Variants in IKZF3 observed in about 807,000 individuals in gnomAD.
IKZF3 encodes IKAROS family zinc finger 3.
A neutral mutation model predicts 49.0 loss-of-function variants in IKZF3; 10 were observed. The observed-to-expected ratio is 0.20, with a 90% CI of 0.13 to 0.35. The LOEUF (loss-of-function observed/expected upper bound fraction) is 0.35, where lower values mean the gene tolerates loss of function less well. IKZF3 is among the 10% of genes least tolerant of loss of function. The pLI is 1.00. For missense variants in IKZF3, 498 were observed against 664.8 expected, an observed-to-expected ratio of 0.75 and a Z score of 2.76; for synonymous variants, 209 against 228.2, an observed-to-expected ratio of 0.92 and a Z score of 0.76.
intron 1 of IKZF3, among the ~76,000 whole-genome samples, chr17:39,840,708 G>A (rs1405773713): frequency 6.6e-6 from 1 of 152,172 alleles, no homozygotes; most frequent in East Asian, 1.9e-4. Flanking sequence ...ATAAAGGCAG[G>A]GGAAATACAC....
intron 2 of IKZF3, among the ~76,000 whole-genome samples, chr17:39,831,379 A>G (rs1237438750): frequency 1.3e-5 from 2 of 152,222 alleles, no homozygotes; most frequent in African/African-American, 4.8e-5. Context: ...CGTCTCAAAA[A>G]AAAAAGAAAG....
chr17:39,802,127 CA>C (rs1435791354), intron 3 of IKZF3, among the ~76,000 whole-genome samples: 1 of 142,032 alleles, frequency 7.0e-6, no homozygotes, highest in African/African-American at 2.6e-5. Context: ...GAGGCTGAGG[CA>C]GGAGAATGCT....
intron 7 of IKZF3, among the ~76,000 whole-genome samples, chr17:39,768,397 A>G (rs1188087693): frequency 6.6e-6 from 1 of 152,214 alleles, no homozygotes; most frequent in Non-Finnish European, 1.5e-5. Flanking sequence ...ACTACACGGG[A>G]CGTGTGCAGA....
intron 3 of IKZF3, among the ~76,000 whole-genome samples, chr17:39,814,292 T>G (rs1171381747): frequency 1.3e-5 from 2 of 152,210 alleles, no homozygotes; most frequent in Non-Finnish European, 2.9e-5. Flanking sequence ...AATTCAACTT[T>G]TCTCTTGGAA....
chr17:39,761,563 C>CATATATATATAT lies in IKZF3; in HGVS notation c.*4226_*4227insATATATATATAT, dbSNP rs769245124. 13 of 150,922 alleles carry CATATATATATAT rather than the reference C, an allele frequency of 8.6e-5. No individual in the cohort carries two copies. Among genetic ancestry groups the CATATATATATAT allele is most frequent in the African/African-American group, 3.0e-4 (12 of 40,638 alleles). 9.3% of individuals were successfully genotyped at this position (150,922 alleles called of 1,614,324 possible). A position where few individuals can be genotyped will look rare whatever the true frequency, so the allele number is the denominator to read the frequency against. On this transcript the variant is annotated 3_prime_UTR_variant, in exon 8 of 8. Transcript: ENST00000346872. ...ACCCTGGTCCTCTAAAATATACATA[C>CATATATATATAT]ATATATATACATATACAAAAAAAAT...
At chr17:39,766,792 G>C (rs903200623) in intron 7 of IKZF3, among the ~76,000 whole-genome samples, 6 of 152,316 alleles carry the variant, frequency 3.9e-5, no homozygotes, top group Admixed American at 6.5e-5. Context: ...CAAGAAAGGA[G>C]GGAAAGAAGC....
intron 7 of IKZF3, among the ~76,000 whole-genome samples, chr17:39,771,896 C>T (rs1219059602): frequency 6.6e-6 from 1 of 151,908 alleles, no homozygotes; most frequent in African/African-American, 2.4e-5. Context: ...CATGCCACCA[C>T]ACCTGGCTAG....
chr17:39,785,347 G>A (rs1205951948), intron 6 of IKZF3, among the ~76,000 whole-genome samples: 4 of 150,296 alleles, frequency 2.7e-5, no homozygotes, highest in African/African-American at 2.4e-5. Context: ...ATATTTGTTT[G>A]AAAAAAAAAT....
At chr17:39,829,355 C>G in intron 3 of IKZF3, 32 bp downstream of exon 3, 1 of 1,424,990 alleles carries the variant, frequency 7.0e-7, no homozygotes. Context: ...TATCTACAGG[C>G]ATCAGTGTTT....
At chr17:39,788,760 C>T (rs1400619073) in intron 5 of IKZF3, among the ~76,000 whole-genome samples, 1 of 152,164 alleles carries the variant, frequency 6.6e-6, no homozygotes, top group African/African-American at 2.4e-5. Context: ...TTATTTTGGA[C>T]ATCCATCTGG....
intron 1 of IKZF3, 105 bp from the exon 2 acceptor site, chr17:39,832,256 G>A (rs2062130856): frequency 2.8e-6 from 2 of 723,146 alleles, no homozygotes; most frequent in East Asian, 5.5e-5. Context: ...CTTAACAGCA[G>A]AATTCCTCTT....
intron 7 of IKZF3, among the ~76,000 whole-genome samples, chr17:39,769,363 C>T (rs2060377896): frequency 1.3e-5 from 2 of 152,106 alleles, no homozygotes; most frequent in Non-Finnish European, 2.9e-5. Context: ...TTTGTCTTTG[C>T]ATCCCCACAA....
intron 1 of IKZF3, among the ~76,000 whole-genome samples, chr17:39,842,652 T>C (rs1206159542): frequency 6.6e-6 from 1 of 152,162 alleles, no homozygotes; most frequent in African/African-American, 2.4e-5. Flanking sequence ...GAGTACATTA[T>C]TCATGAGTAC....
chr17:39,846,487 G>GTT lies in IKZF3; in HGVS notation c.8-14338_8-14337dup, dbSNP rs34071450. 1.6e-3 allele frequency among the ~76,000 whole-genome samples: 169 copies of GTT among 108,006 alleles called. 2 individuals carry two copies. The highest frequency in any genetic ancestry group is 2.7e-3 in the Non-Finnish European group (140 of 50,962). 70.9% of individuals were successfully genotyped at this position (108,006 alleles called of 152,430 possible). On this transcript the variant is annotated intron_variant, in intron 1 of 7. Transcript: ENST00000346872. ...CGGTTAGTTTTTTTAAGATACCAAG[G>GTT]TTTTTTTTTTTTTTTTTTTCAGAGT...
At chr17:39,801,981 C>T (rs1451709505) in intron 3 of IKZF3, among the ~76,000 whole-genome samples, 1 of 151,908 alleles carries the variant, frequency 6.6e-6, no homozygotes, top group East Asian at 1.9e-4. Context: ...AATCCCAGCA[C>T]TTTGGGAGGC....
Position 39,766,316 on chromosome 17 carries a change from A to G in IKZF3, c.1004T>C (p.Val335Ala). 6.2e-6 allele frequency: 10 copies of G among 1,614,076 alleles called. No individual in the cohort carries two copies. Among genetic ancestry groups the G allele is most frequent in the Non-Finnish European group, 8.5e-6 (10 of 1,180,020 alleles). The change falls in exon 8 of 8, where the codon GTT (valine) becomes GCT (alanine). Residue 335 changes from valine (V) to alanine (A), a missense_variant. Transcript: ENST00000346872. Reference sequence around the variant, plus strand: ...GGGATACATGCTGCTGATAACTGGAACCATCTCCGAGGTGGGAGCAGGCGG... The same window carrying G: ...GGGATACATGCTGCTGATAACTGGAGCCATCTCCGAGGTGGGAGCAGGCGG... ...QTPPAPTSEM[V>A]PVISSMYPIA...
chr17:39,850,708 A>ACTATATATGTATATGTATAT (rs370626287), intron 1 of IKZF3, among the ~76,000 whole-genome samples: 1 of 3,700 alleles, frequency 2.7e-4, no homozygotes, highest in East Asian at 7.6e-3. Context: ...CATTATATAT[A>ACTATATATGTATATGTATAT]ATACATTATA....
chr17:39,838,495 ATTTG>A (rs571475828), intron 1 of IKZF3, among the ~76,000 whole-genome samples: 1 of 151,878 alleles, frequency 6.6e-6, no homozygotes, highest in African/African-American at 2.4e-5. Flanking sequence ...GAGGTTTTCT[ATTTG>A]TTTATTAAAA....
intron 1 of IKZF3, among the ~76,000 whole-genome samples, chr17:39,855,235 G>A (rs2063002510): frequency 6.6e-6 from 1 of 151,342 alleles, no homozygotes; most frequent in African/African-American, 2.5e-5. Context: ...ACGGTGTCCT[G>A]TTGCAAAAAA....
Sources: gnomAD v4.1 joint callset for allele counts (sites outside exome capture counted in the v4.1 genomes callset) on GRCh38, gnomAD v4.1.1 for gene constraint, MANE v1.5 for transcripts, NCBI Gene and HGNC (gene_info 2026-07-23, HGNC 2026-07-21) for gene names.